The following RIT2 variants were observed in gnomAD, a reference collection of about 807,000 sequenced individuals.
The protein encoded by RIT2 is GTP-binding protein Rit2.
RIT2 carries 24 observed loss-of-function variants against 23.7 expected under a neutral mutation model. The ratio of observed to expected loss-of-function variants is 1.01; its 90% CI spans 0.73 to 1.43. The LOEUF is 1.43. RIT2 is among the 40% of genes most tolerant of loss of function. The pLI, the probability that RIT2 is intolerant of heterozygous loss-of-function variation, is 0.00. For synonymous variants in RIT2, 107 were observed against 91.1 expected, an observed-to-expected ratio of 1.17 and a Z score of -0.99; for missense variants, 236 against 266.9, an observed-to-expected ratio of 0.88 and a Z score of 0.81.
intron 4 of RIT2, among the ~76,000 whole-genome samples, chr18:42,883,173 T>A (rs1164916855): frequency 6.6e-6 from 1 of 152,058 alleles, no homozygotes; most frequent in Non-Finnish European, 1.5e-5. Flanking sequence ...TGATTGTATT[T>A]CAGAACCCCA....
At chr18:42,962,038 A>C (rs1910105762) in intron 3 of RIT2, among the ~76,000 whole-genome samples, 1 of 152,124 alleles carries the variant, frequency 6.6e-6, no homozygotes, top group Admixed American at 6.6e-5. Context: ...CTTTTCTGTA[A>C]ATTTCAGATG....
chr18:42,860,687 A>G (rs538066573), intron 4 of RIT2, among the ~76,000 whole-genome samples: 4 of 152,168 alleles, frequency 2.6e-5, no homozygotes, highest in African/African-American at 7.2e-5. Flanking sequence ...GTTTCTATGT[A>G]GTCTCTACTA....
In RIT2 at chr18:42,834,495, C is replaced by T. The variant is rs78025833; in HGVS notation, c.426+89077G>A. 9.2e-3 allele frequency among the ~76,000 whole-genome samples: 1,405 copies of T among 152,096 alleles called. 25 individuals carry two copies. The highest frequency in any genetic ancestry group is 0.032 in the African/African-American group (1,334 of 41,498). On this transcript the variant is annotated intron_variant, in intron 4 of 4. Coordinates refer to ENST00000326695, the MANE Select transcript of RIT2 (RefSeq NM_002930.4). ...TTTGAAACTCCATTATTTATACCTG[C>T]AATGATGGGAGTGGGGTAGAATTTT...
At chr18:43,098,973 C>T (rs1295822374) in intron 1 of RIT2, among the ~76,000 whole-genome samples, 1 of 151,954 alleles carries the variant, frequency 6.6e-6, no homozygotes, top group Non-Finnish European at 1.5e-5. Flanking sequence ...GGCCTATGCT[C>T]CTAAGAAAAC....
intron 4 of RIT2, among the ~76,000 whole-genome samples, chr18:42,751,655 T>C (rs569618147): frequency 2.2e-4 from 34 of 152,106 alleles, no homozygotes; most frequent in South Asian, 6.2e-4. Context: ...ATAAGTAATG[T>C]AGGAATCATC....
At chr18:43,037,518 ATTTGT>A (rs879853076) in intron 1 of RIT2, among the ~76,000 whole-genome samples, 6 of 152,202 alleles carry the variant, frequency 3.9e-5, no homozygotes, top group Non-Finnish European at 8.8e-5. Context: ...CCAATTTAAA[ATTTGT>A]TTTATTTTAA....
intron 4 of RIT2, among the ~76,000 whole-genome samples, chr18:42,880,713 T>C (rs1383333380): frequency 6.6e-6 from 1 of 151,990 alleles, no homozygotes; most frequent in Non-Finnish European, 1.5e-5. Context: ...GAAATCAGAA[T>C]CTTGAACCAA....
chr18:42,915,014 A>T (rs1352071019), intron 4 of RIT2, among the ~76,000 whole-genome samples: 1 of 152,088 alleles, frequency 6.6e-6, no homozygotes, highest in Non-Finnish European at 1.5e-5. Context: ...TAAAAAAAAA[A>T]AATAATAGTA....
At chr18:42,879,227 C>A (rs972538475) in intron 4 of RIT2, among the ~76,000 whole-genome samples, 3 of 152,096 alleles carry the variant, frequency 2.0e-5, no homozygotes, top group Non-Finnish European at 1.5e-5. Flanking sequence ...TTATTTTGAG[C>A]CAAATCACTT....
intron 1 of RIT2, among the ~76,000 whole-genome samples, chr18:43,036,873 A>T (rs189274693): frequency 1.1e-4 from 17 of 152,306 alleles, no homozygotes; most frequent in African/African-American, 4.1e-4. Context: ...ATTTTTGAAA[A>T]ATCTCTCCTA....
At chr18:42,883,530 G>T (rs1279479739) in intron 4 of RIT2, among the ~76,000 whole-genome samples, 1 of 151,950 alleles carries the variant, frequency 6.6e-6, no homozygotes, top group East Asian at 1.9e-4. Context: ...AATGCTTCAG[G>T]TTTTTCAGAT....
chr18:42,929,165 G>T (rs1909266266), intron 3 of RIT2, among the ~76,000 whole-genome samples: 1 of 150,798 alleles, frequency 6.6e-6, no homozygotes, highest in South Asian at 2.1e-4. Context: ...AAGCTACAAT[G>T]AAAACATGAT....
chr18:42,844,303 C>T (rs1324695851), intron 4 of RIT2, among the ~76,000 whole-genome samples: 1 of 152,192 alleles, frequency 6.6e-6, no homozygotes, highest in African/African-American at 2.4e-5. Flanking sequence ...CAGCTGCCCT[C>T]CACTGGTGAG....
At chr18:42,789,751 T>C (rs1184223686) in intron 4 of RIT2, among the ~76,000 whole-genome samples, 1 of 152,204 alleles carries the variant, frequency 6.6e-6, no homozygotes, top group East Asian at 1.9e-4. Context: ...TTCCTAGATA[T>C]AAGATCACAT....
intron 1 of RIT2, among the ~76,000 whole-genome samples, chr18:43,102,395 T>C (rs1322474798): frequency 6.6e-6 from 1 of 151,866 alleles, no homozygotes; most frequent in Admixed American, 6.6e-5. Context: ...TCTTATAACA[T>C]TTTATAAAAT....
chr18:43,008,870 G>T (rs1227381145), intron 2 of RIT2, among the ~76,000 whole-genome samples: 3 of 151,586 alleles, frequency 2.0e-5, no homozygotes, highest in Non-Finnish European at 4.4e-5. Flanking sequence ...AAAAGATTCA[G>T]AAATTTTTAT....
At chr18:43,049,398 G>C (rs1912324116) in intron 1 of RIT2, among the ~76,000 whole-genome samples, 1 of 152,078 alleles carries the variant, frequency 6.6e-6, no homozygotes, top group Non-Finnish European at 1.5e-5. Flanking sequence ...CACAAGCACT[G>C]TACTAGATAT....
chr18:42,943,843 CT>C (rs1298503091), intron 3 of RIT2, among the ~76,000 whole-genome samples: 1 of 152,150 alleles, frequency 6.6e-6, no homozygotes, highest in Non-Finnish European at 1.5e-5. Context: ...AGTTATCCTT[CT>C]CTTTTATTCC....
intron 3 of RIT2, among the ~76,000 whole-genome samples, chr18:42,970,735 C>A (rs1037318033): frequency 2.0e-5 from 3 of 151,770 alleles, no homozygotes; most frequent in African/African-American, 7.3e-5. Flanking sequence ...TAGGTTATAT[C>A]CATTTATATT....
Sources: gnomAD v4.1 joint callset for allele counts (sites outside exome capture counted in the v4.1 genomes callset) on GRCh38, gnomAD v4.1.1 for gene constraint, MANE v1.5 for transcripts, NCBI Gene and HGNC (gene_info 2026-07-23, HGNC 2026-07-21) for gene names.